Variants in NOL10 observed in about 807,000 individuals in gnomAD.
NOL10 encodes nucleolar protein 10.
Under a neutral mutation model 103.5 loss-of-function variants are expected in NOL10, and 58 were observed. That is an observed-to-expected ratio of 0.56 (90% CI 0.45 to 0.70). The LOEUF is 0.70. Among genes scored for constraint, NOL10 ranks in the 30% least tolerant of loss-of-function variants. NOL10 has a pLI of 0.00. For missense variants in NOL10, 763 were observed against 807.3 expected, an observed-to-expected ratio of 0.95 and a Z score of 0.67; for synonymous variants, 287 against 282.5, an observed-to-expected ratio of 1.02 and a Z score of -0.16.
chr2:10,574,358 T>C (rs781194826), intron 20 of NOL10, among the ~76,000 whole-genome samples: 1 of 152,018 alleles, frequency 6.6e-6, no homozygotes, highest in Non-Finnish European at 1.5e-5. Flanking sequence ...TTAAAAAGGG[T>C]TTCTTCAGGC....
intron 17 of NOL10, among the ~76,000 whole-genome samples, chr2:10,598,141 T>C (rs1404224499): frequency 1.3e-5 from 2 of 152,132 alleles, no homozygotes; most frequent in Non-Finnish European, 2.9e-5. Context: ...ATCAACTGAG[T>C]ATGTTCATAA....
chr2:10,687,711 C>G (rs1682313995), intron 1 of NOL10, among the ~76,000 whole-genome samples: 1 of 152,168 alleles, frequency 6.6e-6, no homozygotes, highest in African/African-American at 2.4e-5. Flanking sequence ...GTAATCCCAG[C>G]ACTTTGGGAG....
intron 8 of NOL10, among the ~76,000 whole-genome samples, chr2:10,664,290 TGGTGGCAG>T (rs2148329606): frequency 6.6e-6 from 1 of 152,020 alleles, no homozygotes; most frequent in East Asian, 1.9e-4. Flanking sequence ...TAGCTGGGCA[TGGTGGCAG>T]GTGCTTGTAA....
intron 20 of NOL10, among the ~76,000 whole-genome samples, chr2:10,573,007 C>T (rs975256577): frequency 3.3e-5 from 5 of 151,344 alleles, no homozygotes; most frequent in African/African-American, 9.7e-5. Flanking sequence ...AAGAGTTACA[C>T]GGTTTTAAAA....
intron 13 of NOL10, among the ~76,000 whole-genome samples, chr2:10,620,959 C>T (rs1677108057): frequency 1.3e-5 from 2 of 152,130 alleles, no homozygotes; most frequent in South Asian, 2.1e-4. Context: ...TAATGCCAGG[C>T]GAATTTTCTG....
At chr2:10,591,988 A>C (rs1166171702) in intron 17 of NOL10, among the ~76,000 whole-genome samples, 1 of 140,746 alleles carries the variant, frequency 7.1e-6, no homozygotes, top group African/African-American at 2.8e-5. Context: ...CGTAACAGAG[A>C]GACCTTGTCA....
chr2:10,648,424 C>T (rs1324692911), intron 12 of NOL10, among the ~76,000 whole-genome samples: 1 of 152,170 alleles, frequency 6.6e-6, no homozygotes, highest in East Asian at 1.9e-4. Context: ...AGAAGGGGCG[C>T]CTACGGGTCT....
At chr2:10,638,280 G>A in intron 13 of NOL10, among the ~76,000 whole-genome samples, 1 of 151,144 alleles carries the variant, frequency 6.6e-6, no homozygotes, top group East Asian at 2.0e-4. Context: ...GCAAGACCCT[G>A]TCTCATTCAA....
intron 1 of NOL10, among the ~76,000 whole-genome samples, chr2:10,685,492 C>T (rs1481123365): frequency 3.5e-4 from 3 of 8,606 alleles, no homozygotes; most frequent in South Asian, 8.3e-3. Context: ...ACTCCGTCCC[C>T]CCCCCCCCCC....
chr2:10,611,845 G>A (rs999814331), intron 13 of NOL10, among the ~76,000 whole-genome samples: 20 of 152,210 alleles, frequency 1.3e-4, no homozygotes, highest in Non-Finnish European at 2.2e-4. Context: ...AACCCGGGAG[G>A]TGGAGGTTGC....
chr2:10,600,304 C>A (rs1675904277), intron 17 of NOL10, among the ~76,000 whole-genome samples: 1 of 152,180 alleles, frequency 6.6e-6, no homozygotes, highest in South Asian at 2.1e-4. Context: ...TCTATTTTCA[C>A]ATTAATAAAG....
At chr2:10,599,731 G>A (rs561302762) in intron 17 of NOL10, among the ~76,000 whole-genome samples, 1 of 152,282 alleles carries the variant, frequency 6.6e-6, no homozygotes, top group African/African-American at 2.4e-5. Context: ...GCAGAAGACA[G>A]CAAGGGGGAG....
At chr2:10,627,506 T>C (rs1677544821) in intron 13 of NOL10, among the ~76,000 whole-genome samples, 1 of 152,018 alleles carries the variant, frequency 6.6e-6, no homozygotes, top group African/African-American at 2.4e-5. Flanking sequence ...AAACCCCGTC[T>C]CTACCAAAAA....
At chr2:10,614,572 T>C (rs1233765345) in intron 13 of NOL10, among the ~76,000 whole-genome samples, 1 of 152,190 alleles carries the variant, frequency 6.6e-6, no homozygotes, top group East Asian at 1.9e-4. Context: ...CCTACACAAA[T>C]TCATACCAGT....
Position 10,612,147 on chromosome 2 carries a change from A to T in NOL10, c.1027-4836T>A, listed in dbSNP as rs142013185. Among the ~76,000 whole-genome samples the T allele has an allele frequency of 6.2e-3, 942 of 152,102 alleles. 10 individuals carry two copies. Among genetic ancestry groups the T allele is most frequent in the African/African-American group, 0.022 (921 of 41,498 alleles). ...CTAAGAACAATAAAAATAAAAATAA[A>T]ATAAATACTCTTAGGGAGCTGAAAG... On this transcript the variant is annotated intron_variant, in intron 13 of 20. Transcript: ENST00000381685.
At chr2:10,641,835 T>TCC (rs1357990432) in intron 13 of NOL10, among the ~76,000 whole-genome samples, 2 of 151,994 alleles carry the variant, frequency 1.3e-5, no homozygotes, top group African/African-American at 4.8e-5. Flanking sequence ...GGACTGCCCC[T>TCC]CCCCACCTCT....
At position 10,609,062 on chromosome 2, in the gene NOL10, C is replaced by T. The variant is rs570966486; in HGVS notation, c.1027-1751G>A. 4.8e-4 allele frequency among the ~76,000 whole-genome samples: 73 copies of T among 152,036 alleles called. No individual in the cohort carries two copies. The South Asian group carries it at 0.014, about 30-fold the overall frequency. The stretch of plus-strand genomic sequence containing the variant: ...CAATTTTAGGACAGTAGCTTGAAGT[C>T]AACAACTAAATGCTACCACATACAA... On this transcript the variant is annotated intron_variant, in intron 13 of 20. Transcript: ENST00000381685.
At chr2:10,651,812 A>G (rs961688717) in intron 12 of NOL10, among the ~76,000 whole-genome samples, 2 of 152,182 alleles carry the variant, frequency 1.3e-5, no homozygotes, top group African/African-American at 4.8e-5. Flanking sequence ...CCTCAGCTGC[A>G]ATCTATTCCT....
At chr2:10,588,709 G>A (rs531165698) in intron 19 of NOL10, among the ~76,000 whole-genome samples, 2 of 152,176 alleles carry the variant, frequency 1.3e-5, no homozygotes, top group South Asian at 4.1e-4. Context: ...GAAAGTGTGT[G>A]GCTTCTGCAG....
Sources: allele counts gnomAD v4.1 joint callset (sites outside exome capture counted in the v4.1 genomes callset), GRCh38; gene constraint gnomAD v4.1.1; transcripts MANE v1.5; gene names NCBI Gene and HGNC (gene_info 2026-07-23, HGNC 2026-07-21).